The following STARD13 variants were observed in gnomAD, a reference collection of about 807,000 sequenced individuals.
STARD13 encodes StAR related lipid transfer domain containing 13.
STARD13 carries 62 observed loss-of-function variants against 106.4 expected under a neutral mutation model. The observed-to-expected ratio is 0.58, with a 90% CI of 0.48 to 0.72. The LOEUF is 0.72. Ranked by LOEUF, STARD13 falls within the 30% of genes least tolerant of loss-of-function variation. STARD13 has a pLI of 0.00. For synonymous variants in STARD13, 565 were observed against 553.0 expected (o/e 1.02, Z -0.31); for missense variants, 1,387 against 1,424.0 (o/e 0.97, Z 0.42).
chr13:33,317,160 C>G (rs947186324), intron 1 of STARD13, among the ~76,000 whole-genome samples: 1 of 152,104 alleles, frequency 6.6e-6, no homozygotes, highest in African/African-American at 2.4e-5. Context: ...ACTTTAAACA[C>G]TAAATATATC....
At chr13:33,356,337 A>G in the STARD13 span, among the ~76,000 whole-genome samples, 1 of 152,384 alleles carries the variant, frequency 6.6e-6, no homozygotes, top group South Asian at 2.1e-4. Flanking sequence ...GTATACATAG[A>G]GTAGTTTGAG....
At chr13:33,518,938 A>G in the STARD13 span, among the ~76,000 whole-genome samples, 1 of 152,138 alleles carries the variant, frequency 6.6e-6, no homozygotes, top group Non-Finnish European at 1.5e-5. Context: ...CATGAGTCAT[A>G]TAAGGTCAAG....
At chr13:33,370,429 A>G in the STARD13 span, among the ~76,000 whole-genome samples, 2 of 152,164 alleles carry the variant, frequency 1.3e-5, no homozygotes, top group African/African-American at 2.4e-5. Flanking sequence ...TAGCTTCAGA[A>G]GAAGAAATAC....
At chr13:33,499,857 T>C in the STARD13 span, among the ~76,000 whole-genome samples, 1 of 149,458 alleles carries the variant, frequency 6.7e-6, no homozygotes, top group Non-Finnish European at 1.5e-5. Flanking sequence ...CTCAAACTTC[T>C]GGGCTGAAGC....
chr13:33,192,556 C>T (rs1886324956), intron 1 of STARD13, among the ~76,000 whole-genome samples: 1 of 152,152 alleles, frequency 6.6e-6, no homozygotes, highest in Non-Finnish European at 1.5e-5. Context: ...ATGCTAAATG[C>T]TTTATGTGCA....
chr13:33,661,718 C>T, the STARD13 span, among the ~76,000 whole-genome samples: 1 of 151,998 alleles, frequency 6.6e-6, no homozygotes, highest in African/African-American at 2.4e-5. Flanking sequence ...GAGAAACCGC[C>T]CCCATGATTG....
chr13:33,249,743 G>A (rs557441735), intron 1 of STARD13, among the ~76,000 whole-genome samples: 4 of 151,900 alleles, frequency 2.6e-5, no homozygotes, highest in South Asian at 2.1e-4. Flanking sequence ...TCTCCCTTTC[G>A]TTTCTTCCTA....
At chr13:33,209,809 CA>C (rs1041913662) in intron 1 of STARD13, among the ~76,000 whole-genome samples, 17 of 151,596 alleles carry the variant, frequency 1.1e-4, no homozygotes, top group Middle Eastern at 3.4e-3. Flanking sequence ...TGTCTCCACA[CA>C]AAAAAAATAA....
At chr13:33,262,258 T>C (rs1473975385) in intron 1 of STARD13, among the ~76,000 whole-genome samples, 1 of 152,194 alleles carries the variant, frequency 6.6e-6, no homozygotes, top group African/African-American at 2.4e-5. Context: ...CAGTGAGACA[T>C]TCTGCATCAG....
At chr13:33,388,409 A>G in the STARD13 span, among the ~76,000 whole-genome samples, 306 of 152,344 alleles carry the variant, frequency 2.0e-3, 2 homozygotes, top group African/African-American at 7.0e-3. Flanking sequence ...TTAAAGGGCC[A>G]GGGCAGTGCA....
At chr13:33,389,576 G>A in the STARD13 span, among the ~76,000 whole-genome samples, 1 of 151,900 alleles carries the variant, frequency 6.6e-6, no homozygotes, top group Non-Finnish European at 1.5e-5. Flanking sequence ...TTTTTCTATC[G>A]TAAACTACAG....
the STARD13 span, among the ~76,000 whole-genome samples, chr13:33,631,421 A>G: frequency 9.1e-4 from 138 of 152,338 alleles, no homozygotes; most frequent in Admixed American, 2.7e-3. Context: ...TTCTTTTCTA[A>G]AAGCACTTAG....
At chr13:33,284,488 T>C (rs1485659675) in intron 1 of STARD13, among the ~76,000 whole-genome samples, 3 of 151,978 alleles carry the variant, frequency 2.0e-5, no homozygotes, top group African/African-American at 7.2e-5. Flanking sequence ...AATAATTTCT[T>C]TTTTTGTTGT....
At chr13:33,660,666 C>A in the STARD13 span, among the ~76,000 whole-genome samples, 1 of 152,204 alleles carries the variant, frequency 6.6e-6, no homozygotes, top group Non-Finnish European at 1.5e-5. Flanking sequence ...TCACTGCAGA[C>A]TTGAACTCCT....
chr13:33,349,519 G>C (rs2078051066), intron 1 of STARD13, among the ~76,000 whole-genome samples: 1 of 152,234 alleles, frequency 6.6e-6, no homozygotes, highest in Non-Finnish European at 1.5e-5. Flanking sequence ...AGCATGCACA[G>C]AAGCAGCAAG....
chr13:33,439,579 G>T, the STARD13 span: 1 of 454,426 alleles, frequency 2.2e-6, no homozygotes. Flanking sequence ...CATCAACTTT[G>T]CATCCATGAT....
intron 1 of STARD13, among the ~76,000 whole-genome samples, chr13:33,173,552 AC>A (rs1324237973): frequency 6.6e-6 from 1 of 152,000 alleles, no homozygotes; most frequent in Non-Finnish European, 1.5e-5. Flanking sequence ...ATCTTTTTGC[AC>A]TTTTAAAATT....
At chr13:33,452,121 A>G in the STARD13 span, among the ~76,000 whole-genome samples, 1 of 152,172 alleles carries the variant, frequency 6.6e-6, no homozygotes, top group Admixed American at 6.5e-5. Context: ...AAGGAGAAGG[A>G]GCTAGTCAAG....
chr13:33,386,633 A>G, the STARD13 span, among the ~76,000 whole-genome samples: 2 of 152,094 alleles, frequency 1.3e-5, no homozygotes, highest in Non-Finnish European at 2.9e-5. Flanking sequence ...GTTTCCTCCT[A>G]GTGTCTCTTT....
Sources: allele counts gnomAD v4.1 joint callset (sites outside exome capture counted in the v4.1 genomes callset), GRCh38; gene constraint gnomAD v4.1.1; transcripts MANE v1.5; gene names NCBI Gene and HGNC (gene_info 2026-07-23, HGNC 2026-07-21).